The following LOC128125822 variants were observed in gnomAD, a reference collection of about 807,000 sequenced individuals.
At chr6:63,575,796 T>G in the LOC128125822 span, among the ~76,000 whole-genome samples, 329 of 152,250 alleles carry the variant, frequency 2.2e-3, 1 homozygote, top group African/African-American at 6.3e-3. Context: ...TTTCCTCGTC[T>G]TCAGTTTAAT....
chr6:63,572,492 G>T, the LOC128125822 span: 3 of 389,390 alleles, frequency 7.7e-6, no homozygotes, highest in Non-Finnish European at 9.1e-6. Context: ...CTCGGCGCGT[G>T]TATTGGCTCC....
At chr6:63,575,992 G>A in the LOC128125822 span, among the ~76,000 whole-genome samples, 6 of 151,694 alleles carry the variant, frequency 4.0e-5, no homozygotes, top group African/African-American at 4.8e-5. Context: ...GTGTAAAAAT[G>A]TTTTTGTTAG....
chr6:63,582,398 A>C, the LOC128125822 span: 1 of 152,644 alleles, frequency 6.6e-6, no homozygotes, highest in Non-Finnish European at 1.5e-5. Context: ...TATGGTGCTA[A>C]AAATAAATTA....
the LOC128125822 span, chr6:63,580,282 A>C: frequency 1.1e-6 from 1 of 899,412 alleles, no homozygotes; most frequent in Admixed American, 2.1e-5. Context: ...CTTCCATAGG[A>C]GTATTGAAAG....
chr6:63,574,004 C>A, the LOC128125822 span, among the ~76,000 whole-genome samples: 10 of 152,256 alleles, frequency 6.6e-5, no homozygotes, highest in South Asian at 1.5e-3. Context: ...TTTTTATCTT[C>A]TGTCCGCGGA....
At chr6:63,577,052 A>G in the LOC128125822 span, 5 of 1,277,872 alleles carry the variant, frequency 3.9e-6, no homozygotes, top group Non-Finnish European at 5.5e-6. Context: ...ATAGCTAACA[A>G]AATAAAAACT....
chr6:63,576,694 A>G, the LOC128125822 span: 1 of 607,184 alleles, frequency 1.6e-6, no homozygotes, highest in Non-Finnish European at 2.9e-6. Flanking sequence ...GTATTACTGG[A>G]TTGAAGAATT....
At chr6:63,572,670 G>A in the LOC128125822 span, 1 of 410,082 alleles carries the variant, frequency 2.4e-6, no homozygotes, top group Non-Finnish European at 4.3e-6. Context: ...CGCCGCCTCG[G>A]GACCGGCTGT....
chr6:63,575,354 A>AC, the LOC128125822 span, among the ~76,000 whole-genome samples: 1 of 152,242 alleles, frequency 6.6e-6, no homozygotes, highest in Non-Finnish European at 1.5e-5. Context: ...ACTCCCGAGT[A>AC]CACAAGTACC....
chr6:63,574,857 G>C, the LOC128125822 span, among the ~76,000 whole-genome samples: 1 of 152,164 alleles, frequency 6.6e-6, no homozygotes, highest in African/African-American at 2.4e-5. Flanking sequence ...ACTACAATCT[G>C]TATTCACTGT....
the LOC128125822 span, chr6:63,578,285 C>T: frequency 2.1e-6 from 2 of 947,144 alleles, no homozygotes; most frequent in Non-Finnish European, 2.8e-6. Context: ...ACAAAATTTG[C>T]TTTTGTGTTA....
chr6:63,580,974 C>T, the LOC128125822 span: 1 of 152,236 alleles, frequency 6.6e-6, no homozygotes, highest in African/African-American at 2.4e-5. Flanking sequence ...AAAATGTTGC[C>T]TTTGTCTTGT....
the LOC128125822 span, chr6:63,572,593 GCCACCGCCGCTCCGCCACGA>G: frequency 9.6e-6 from 4 of 417,416 alleles, no homozygotes; most frequent in African/African-American, 2.1e-5. Context: ...CTGCATCGCC[GCCACCGCCGCTCCGCCACGA>G]CCACCGCCGC....
At chr6:63,580,254 T>TAA in the LOC128125822 span, 4 of 1,172,152 alleles carry the variant, frequency 3.4e-6, no homozygotes, top group Non-Finnish European at 5.1e-6. Flanking sequence ...ACATGTTGGC[T>TAA]TAGTAAGTCT....
chr6:63,574,668 C>T, the LOC128125822 span, among the ~76,000 whole-genome samples: 1 of 152,010 alleles, frequency 6.6e-6, no homozygotes, highest in South Asian at 2.1e-4. Context: ...AATACTGCCT[C>T]AAATTAGCTT....
chr6:63,577,683 A>G, the LOC128125822 span, among the ~76,000 whole-genome samples: 2 of 152,032 alleles, frequency 1.3e-5, no homozygotes, highest in Admixed American at 6.6e-5. Context: ...CAGCCTCCCA[A>G]GTAGCTGAGA....
chr6:63,576,925 G>A, the LOC128125822 span: 3 of 1,613,758 alleles, frequency 1.9e-6, no homozygotes, highest in East Asian at 2.2e-5. Context: ...TCACATACAA[G>A]AACATGAGAT....
At chr6:63,578,407 T>C in the LOC128125822 span, 2 of 1,593,000 alleles carry the variant, frequency 1.3e-6, no homozygotes, top group Non-Finnish European at 1.7e-6. Context: ...GGTTAAACAT[T>C]AAGATTTTTT....
the LOC128125822 span, among the ~76,000 whole-genome samples, chr6:63,579,564 T>C: frequency 6.6e-6 from 1 of 152,354 alleles, no homozygotes; most frequent in East Asian, 1.9e-4. Flanking sequence ...AATACTTGAT[T>C]GAATATGTTG....
Sources: allele counts gnomAD v4.1 joint callset (sites outside exome capture counted in the v4.1 genomes callset), GRCh38; gene constraint gnomAD v4.1.1; transcripts MANE v1.5.